The following PPP4R2 variants were observed in gnomAD, a reference collection of about 807,000 sequenced individuals.
PPP4R2 encodes protein phosphatase 4 regulatory subunit 2.
In PPP4R2, 13 loss-of-function variants were observed where a neutral mutation model predicts 47.2. The ratio of observed to expected loss-of-function variants is 0.28; its 90% confidence interval spans 0.18 to 0.44. PPP4R2 has a LOEUF of 0.44. Ranked by LOEUF, PPP4R2 falls within the 20% of genes least tolerant of loss-of-function variation. The probability of loss-of-function intolerance (pLI) is 1.00; values close to 1 mark genes in which losing one functional copy is unlikely to be tolerated. For missense variants in PPP4R2, 421 were observed against 491.2 expected (o/e 0.86, Z 1.35); for synonymous variants, 151 against 163.3 (o/e 0.92, Z 0.57).
intron 5 of PPP4R2, chr3:73,061,342 T>C (rs968657261): frequency 1.1e-5 from 2 of 190,362 alleles, no homozygotes; most frequent in African/African-American, 4.7e-5. Context: ...TGCCCTGAGA[T>C]GCCATTCTAG....
At chr3:72,998,778 G>A (rs1375125649) in intron 2 of PPP4R2, among the ~76,000 whole-genome samples, 9 of 152,124 alleles carry the variant, frequency 5.9e-5, no homozygotes, top group Non-Finnish European at 1.0e-4. Context: ...AGTTAGGGCT[G>A]TGTTCAGAAG....
At chr3:73,002,144 A>T (rs1367246593) in intron 2 of PPP4R2, among the ~76,000 whole-genome samples, 1 of 152,224 alleles carries the variant, frequency 6.6e-6, no homozygotes, top group African/African-American at 2.4e-5. Context: ...ATAATGGCCT[A>T]TAGTTCCATC....
intron 2 of PPP4R2, among the ~76,000 whole-genome samples, chr3:73,016,436 TGAA>T (rs1490196606): frequency 6.6e-6 from 1 of 152,166 alleles, no homozygotes; most frequent in Non-Finnish European, 1.5e-5. Flanking sequence ...TCCCCAGCAA[TGAA>T]GAATTGTCTG....
chr3:73,063,008 CTT>C (rs2107344385), intron 5 of PPP4R2: 1 of 1,009,516 alleles, frequency 9.9e-7, no homozygotes, highest in South Asian at 1.6e-5. Context: ...AGATCCCAGT[CTT>C]TGAGGAGAAA....
At chr3:73,063,601 C>A in intron 5 of PPP4R2, 72 bp from the exon 6 acceptor site, 1 of 853,678 alleles carries the variant, frequency 1.2e-6, no homozygotes, top group South Asian at 1.4e-5. Context: ...TCCATTCCAC[C>A]TTGGGTGACA....
chr3:73,022,785 T>TA (rs1701986385), intron 2 of PPP4R2, among the ~76,000 whole-genome samples: 1 of 151,888 alleles, frequency 6.6e-6, no homozygotes, highest in Non-Finnish European at 1.5e-5. Flanking sequence ...TTTTTTTTTT[T>TA]TAAACAATGC....
intron 3 of PPP4R2, among the ~76,000 whole-genome samples, chr3:73,047,867 G>C (rs544798152): frequency 1.3e-5 from 2 of 152,064 alleles, no homozygotes; most frequent in African/African-American, 4.8e-5. Flanking sequence ...AAACTCCCCG[G>C]TTTTTTTGTT....
Position 73,065,151 on chromosome 3 carries a change from G to T in PPP4R2, c.928+10G>T. On this transcript the variant is annotated intron_variant, in intron 8 of 8. Transcript: ENST00000356692. ...GAAGAGGAAGAAGAAGGTATTTAGA[G>T]ACCATCTGTAAAAGGGTGGAGTAAG... 1.9e-6 allele frequency: 3 copies of T among 1,589,386 alleles called. No individual in the cohort carries two copies. The highest frequency in any genetic ancestry group is 2.3e-5 in the South Asian group (2 of 86,486).
At chr3:73,023,335 C>T (rs1252486100) in intron 2 of PPP4R2, among the ~76,000 whole-genome samples, 1 of 151,942 alleles carries the variant, frequency 6.6e-6, no homozygotes, top group Non-Finnish European at 1.5e-5. Context: ...TACGGGCATG[C>T]GCCACCATGC....
At position 73,065,058 on chromosome 3, in the gene PPP4R2, C is replaced by G. The variant is rs34742137; in HGVS notation, c.845C>G (p.Ser282Cys). ...GGAGAAACAGAAGCATCATCTTCAT[C>G]TCAGGATAAAGACAAAGATAGCCGT... ...MVGETEASSS[S>C]QDKDKDSRCT... is the part of the protein sequence containing the mutation. The change falls in exon 8 of 9, where the codon TCT becomes TGT. Residue 282 changes from serine (S) to cysteine (C), a missense_variant. Ser to Cys is a moderately radical substitution (Grantham distance 112). Around this residue, in one of 2 missense-constraint regions of PPP4R2, gnomAD observed 317 missense variants for 287.5 expected, o/e 1.10. Transcript: ENST00000356692. 9.2e-3 allele frequency: 14,911 copies of G among 1,613,956 alleles called. 92 individuals carry two copies. The highest frequency in any genetic ancestry group is 0.011 in the Non-Finnish European group (13,359 of 1,179,896).
intron 3 of PPP4R2, among the ~76,000 whole-genome samples, chr3:73,048,547 C>G (rs1702538318): frequency 6.6e-6 from 1 of 152,236 alleles, no homozygotes; most frequent in Admixed American, 6.5e-5. Flanking sequence ...AGCCCCCGCG[C>G]CCAGCCAGGA....
chr3:73,048,319 C>A (rs1312729235), intron 3 of PPP4R2, among the ~76,000 whole-genome samples: 3 of 152,218 alleles, frequency 2.0e-5, no homozygotes, highest in Non-Finnish European at 4.4e-5. Context: ...GTGGCATGAT[C>A]TCGGCTCACC....
At chr3:73,058,122 A>C (rs1702766658) in intron 3 of PPP4R2, among the ~76,000 whole-genome samples, 1 of 152,056 alleles carries the variant, frequency 6.6e-6, no homozygotes. Context: ...TTATAAAATG[A>C]TTTTAGTTCC....
intron 2 of PPP4R2, among the ~76,000 whole-genome samples, chr3:73,046,011 G>A (rs1182460488): frequency 6.6e-6 from 1 of 152,072 alleles, no homozygotes; most frequent in Admixed American, 6.6e-5. Context: ...TGTATTCAAG[G>A]GTTGGGATTT....
chr3:73,066,455 A>G lies in PPP4R2; in HGVS notation c.*733A>G, dbSNP rs1023050805. On this transcript the variant is annotated 3_prime_UTR_variant, in exon 9 of 9. Transcript: ENST00000356692. ...TCTGTTGAAATACCAGGTTAAACAC[A>G]TTCCAAGAGATCTGTTCAAACTCAA... 3.3e-5 allele frequency: 5 copies of G among 151,990 alleles called. No individual in the cohort carries two copies. The highest frequency in any genetic ancestry group is 1.2e-4 in the African/African-American group (5 of 41,430). 9.4% of individuals were successfully genotyped at this position (151,990 alleles called of 1,614,324 possible).
chr3:73,066,239 C>CATACATATATATATATATATAT lies in PPP4R2; in HGVS notation c.*520_*521insCATATATATATATATATATATA, dbSNP rs1553652539. On this transcript the variant is annotated 3_prime_UTR_variant, in exon 9 of 9. Coordinates refer to ENST00000356692, the MANE Select transcript of PPP4R2 (RefSeq NM_174907.4). ...TGGAACTTTAAGTCATATATACATA[C>CATACATATATATATATATATAT]ATATATATATATATATATATATAAT... The CATACATATATATATATATATAT allele has an allele frequency of 5.3e-4, 71 of 134,100 alleles. 1 individual carries two copies. The highest frequency in any genetic ancestry group is 2.2e-3 in the East Asian group (10 of 4,596). 8.3% of individuals were successfully genotyped at this position (134,100 alleles called of 1,614,324 possible).
At chr3:73,006,190 ATTTTTTTT>A (rs71624000) in intron 2 of PPP4R2, among the ~76,000 whole-genome samples, 9,277 of 123,876 alleles carry the variant, frequency 0.075, 398 homozygotes, top group East Asian at 0.27. Context: ...ATATGCCACA[ATTTTTTTT>A]TTTTTTTTTT....
At chr3:73,018,466 G>GTTATGTTATGT (rs1553646475) in intron 2 of PPP4R2, among the ~76,000 whole-genome samples, 1 of 68,742 alleles carries the variant, frequency 1.5e-5, no homozygotes, top group South Asian at 4.0e-4. Context: ...TGTTATGTTA[G>GTTATGTTATGT]TATCCGAAAC....
At chr3:73,044,514 AG>A (rs1702445046) in intron 2 of PPP4R2, among the ~76,000 whole-genome samples, 1 of 152,150 alleles carries the variant, frequency 6.6e-6, no homozygotes, top group Non-Finnish European at 1.5e-5. Context: ...TGAACCCAGG[AG>A]GCAGAGGTTG....
Sources: allele counts gnomAD v4.1 joint callset (sites outside exome capture counted in the v4.1 genomes callset), GRCh38; gene constraint gnomAD v4.1.1; regional missense constraint gnomAD v4.1.1; transcripts MANE v1.5; gene names NCBI Gene and HGNC (gene_info 2026-07-23, HGNC 2026-07-21).